Variants in GALNT11 observed in about 807,000 individuals in gnomAD.
GALNT11 encodes the protein UDP-GalNAc:polypeptide N-acetylgalactosaminyltransferase 11.
A neutral mutation model predicts 72.7 loss-of-function variants in GALNT11; 47 were observed. That is an observed-to-expected ratio of 0.65 (90% confidence interval 0.51 to 0.82). The LOEUF (loss-of-function observed/expected upper bound fraction) is 0.82. GALNT11 is among the 40% of genes least tolerant of loss of function. The pLI is 0.00. For missense variants in GALNT11, 677 were observed against 778.4 expected, an observed-to-expected ratio of 0.87 and a Z score of 1.55; for synonymous variants, 270 against 286.6, an observed-to-expected ratio of 0.94 and a Z score of 0.58.
chr7:152,030,382 A>G (rs910819431), intron 1 of GALNT11, among the ~76,000 whole-genome samples: 2 of 152,242 alleles, frequency 1.3e-5, no homozygotes, highest in South Asian at 2.1e-4. Context: ...CTATCCCTGT[A>G]TGGCCTGGTT....
chr7:152,095,035 T>C (rs1197677628), intron 2 of GALNT11, among the ~76,000 whole-genome samples: 2 of 152,190 alleles, frequency 1.3e-5, no homozygotes, highest in African/African-American at 4.8e-5. Context: ...TAAGGGTACA[T>C]TTAATTAATA....
chr7:152,093,434 T>G (rs1157910671), intron 1 of GALNT11, among the ~76,000 whole-genome samples: 1 of 152,056 alleles, frequency 6.6e-6, no homozygotes, highest in African/African-American at 2.4e-5. Flanking sequence ...TTATTTATTT[T>G]TATTGTTTTG....
At chr7:152,053,487 A>C (rs1419622920) in intron 1 of GALNT11, among the ~76,000 whole-genome samples, 1 of 152,242 alleles carries the variant, frequency 6.6e-6, no homozygotes, top group Non-Finnish European at 1.5e-5. Context: ...ATCATCTTCA[A>C]GTGTTTCAGA....
chr7:152,047,709 T>TGTGTGTGTGCGC (rs528749652), intron 1 of GALNT11, among the ~76,000 whole-genome samples: 5 of 151,206 alleles, frequency 3.3e-5, no homozygotes, highest in African/African-American at 1.2e-4. Flanking sequence ...TGTGTGTGTG[T>TGTGTGTGTGCGC]GCGCACACAC....
At chr7:152,029,978 A>G (rs889321069) in intron 1 of GALNT11, among the ~76,000 whole-genome samples, 2 of 152,246 alleles carry the variant, frequency 1.3e-5, no homozygotes, top group Non-Finnish European at 2.9e-5. Flanking sequence ...AGTGTTACAG[A>G]GTTACAGAGA....
In GALNT11 at chr7:152,052,984, T is replaced by C. The variant is rs1324331919; in HGVS notation, c.-39+27100T>C. On this transcript the variant is annotated intron_variant, in intron 1 of 11. Coordinates refer to ENST00000430044, the MANE Select transcript of GALNT11 (RefSeq NM_022087.4). ...TATCCCTTTGTCCCTTGGGGGCCCA[T>C]GCCCTGTAAAGTTGACGAGTGCGGG... Among the ~76,000 whole-genome samples, 3 of 152,374 alleles carry C rather than the reference T, an allele frequency of 2.0e-5. No homozygotes were observed. In the East Asian group the frequency reaches 5.8e-4, roughly 29 times the overall value.
intron 1 of GALNT11, among the ~76,000 whole-genome samples, chr7:152,033,614 TAAGG>T (rs2082411533): frequency 1.3e-5 from 2 of 152,226 alleles, no homozygotes; most frequent in Non-Finnish European, 2.9e-5. Flanking sequence ...TGTAGCCACT[TAAGG>T]AAGGCAGAAG....
chr7:152,065,725 G>A (rs2084269837), intron 1 of GALNT11, among the ~76,000 whole-genome samples: 1 of 152,226 alleles, frequency 6.6e-6, no homozygotes, highest in Admixed American at 6.5e-5. Flanking sequence ...CTGTTTGCCT[G>A]GGTATCAGCA....
intron 1 of GALNT11, among the ~76,000 whole-genome samples, chr7:152,049,512 G>A (rs1183396249): frequency 6.6e-6 from 1 of 152,174 alleles, no homozygotes; most frequent in Non-Finnish European, 1.5e-5. Context: ...GCTTCCTGGA[G>A]CTGGGGGAGT....
At chr7:152,118,626 G>T in intron 9 of GALNT11, 52 bp from the exon 10 acceptor site, 1 of 1,540,758 alleles carries the variant, frequency 6.5e-7, no homozygotes, top group Admixed American at 1.9e-5. Context: ...CCAGGCTTGG[G>T]AGGCGTCTCT....
chr7:152,121,693 G>A lies in GALNT11; in HGVS notation c.*16G>A, dbSNP rs752280661. The A allele has an allele frequency of 2.6e-5, 41 of 1,606,980 alleles. No homozygotes were observed. Among genetic ancestry groups the A allele is most frequent in the East Asian group, 1.8e-4 (8 of 44,756 alleles). ...GGAAGGTTAAGGTGGATGCTGTGGTGGGAACGTTGCTTCATCAGGCGTTGC... is the reference window on the plus strand; with the variant it reads ...GGAAGGTTAAGGTGGATGCTGTGGTAGGAACGTTGCTTCATCAGGCGTTGC... On this transcript the variant is annotated 3_prime_UTR_variant, in exon 12 of 12. Coordinates refer to ENST00000430044, the MANE Select transcript of GALNT11 (RefSeq NM_022087.4).
chr7:152,057,924 G>A (rs547104158), intron 1 of GALNT11, among the ~76,000 whole-genome samples: 3 of 152,246 alleles, frequency 2.0e-5, no homozygotes, highest in African/African-American at 7.2e-5. Flanking sequence ...TGGTCATTGT[G>A]TCTCCTTAGG....
intron 1 of GALNT11, among the ~76,000 whole-genome samples, chr7:152,083,075 A>G (rs1035314659): frequency 6.6e-6 from 1 of 152,178 alleles, no homozygotes; most frequent in Non-Finnish European, 1.5e-5. Flanking sequence ...ACACTGAGAT[A>G]TTACTCTTTT....
At chr7:152,065,586 T>C (rs974128467) in intron 1 of GALNT11, among the ~76,000 whole-genome samples, 1 of 152,124 alleles carries the variant, frequency 6.6e-6, no homozygotes, top group African/African-American at 2.4e-5. Flanking sequence ...CTACCTATGG[T>C]CTTTGATGAT....
chr7:152,106,191 C>A (rs183275868), intron 5 of GALNT11, among the ~76,000 whole-genome samples: 1 of 152,248 alleles, frequency 6.6e-6, no homozygotes, highest in African/African-American at 2.4e-5. Context: ...ATGGACATGG[C>A]GAAAAAATTT....
chr7:152,057,096 G>A (rs2083726767), intron 1 of GALNT11, among the ~76,000 whole-genome samples: 3 of 145,616 alleles, frequency 2.1e-5, no homozygotes, highest in African/African-American at 5.1e-5. Flanking sequence ...GGCTCAAGCT[G>A]TGTGCCTGCT....
At chr7:152,043,332 A>C (rs36045943) in intron 1 of GALNT11, among the ~76,000 whole-genome samples, 7,937 of 152,278 alleles carry the variant, frequency 0.052, 357 homozygotes, top group East Asian at 0.2. Context: ...GGGATTCCCC[A>C]GGCAGAAGGC....
chr7:152,107,815 G>T, intron 5 of GALNT11: 1 of 438,792 alleles, frequency 2.3e-6, no homozygotes, highest in East Asian at 3.5e-5. Flanking sequence ...TGATTTGTAT[G>T]GGTCCCTCAA....
In GALNT11 at chr7:152,113,258, GGCGGTAA is replaced by G; in HGVS notation, c.1096_1102del (p.Gly366SerfsTer9). ...TGCTTCTGGCCAGATCTGGATGTGT[GGCGGTAA>G]GCTCTTCATCATCCCTTGCTCTAGA... On this transcript the variant is annotated frameshift_variant, in exon 8 of 12. Coordinates refer to ENST00000430044, the MANE Select transcript of GALNT11 (RefSeq NM_022087.4). LOFTEE classifies it high-confidence loss of function. 1 of 1,613,170 alleles carries G rather than the reference GGCGGTAA, an allele frequency of 6.2e-7. No homozygotes were observed. The highest frequency in any genetic ancestry group is 8.5e-7 in the Non-Finnish European group (1 of 1,179,568).
Sources: gnomAD v4.1 joint callset for allele counts (sites outside exome capture counted in the v4.1 genomes callset) on GRCh38, gnomAD v4.1.1 for gene constraint, MANE v1.5 for transcripts, NCBI Gene and HGNC (gene_info 2026-07-23, HGNC 2026-07-21) for gene names.